NRG1: variants seen among roughly 807,000 people sequenced by gnomAD.
NRG1 encodes the protein pro-neuregulin-1, membrane-bound isoform.
In NRG1, 18 loss-of-function variants were observed where a neutral mutation model predicts 63.8. The ratio of observed to expected loss-of-function variants is 0.28; its 90% CI spans 0.19 to 0.42. The LOEUF (loss-of-function observed/expected upper bound fraction) is 0.42, where lower values mean the gene tolerates loss of function less well. Among genes scored for constraint, NRG1 ranks in the 10% least tolerant of loss-of-function variants. The probability of loss-of-function intolerance (pLI) is 1.00; values close to 1 mark genes in which losing one functional copy is unlikely to be tolerated. For missense variants in NRG1, 762 were observed against 814.7 expected (o/e 0.94, Z 0.79); for synonymous variants, 302 against 301.3 (o/e 1.00, Z -0.02).
At chr8:32,356,483 C>CCCG (rs1554517235) in intron 1 of NRG1, among the ~76,000 whole-genome samples, 3 of 121,072 alleles carry the variant, frequency 2.5e-5, no homozygotes, top group African/African-American at 9.2e-5. Flanking sequence ...GACCCCCCCC[C>CCCG]CACCCGCCGG....
chr8:32,027,524 T>A (rs1311216516), intron 1 of NRG1, among the ~76,000 whole-genome samples: 1 of 142,102 alleles, frequency 7.0e-6, no homozygotes, highest in South Asian at 2.3e-4. Flanking sequence ...TAGCGTTTTC[T>A]TTTCTTTTTG....
chr8:32,411,010 G>C (rs1814854594), intron 1 of NRG1, among the ~76,000 whole-genome samples: 1 of 151,852 alleles, frequency 6.6e-6, no homozygotes, highest in African/African-American at 2.4e-5. Context: ...CAAGCAGCTA[G>C]GACTACAGGC....
intron 1 of NRG1, among the ~76,000 whole-genome samples, chr8:31,734,770 A>G (rs1018934571): frequency 6.6e-6 from 1 of 152,230 alleles, no homozygotes; most frequent in Non-Finnish European, 1.5e-5. Flanking sequence ...ATGCTGCACC[A>G]GGACTGAACC....
At chr8:32,056,269 G>T (rs564324853) in intron 1 of NRG1, among the ~76,000 whole-genome samples, 20 of 152,268 alleles carry the variant, frequency 1.3e-4, no homozygotes, top group African/African-American at 4.6e-4. Context: ...CTTAATTTCT[G>T]TCTTCCAATT....
At chr8:32,082,147 G>T (rs1827554026) in intron 1 of NRG1, among the ~76,000 whole-genome samples, 1 of 151,726 alleles carries the variant, frequency 6.6e-6, no homozygotes, top group Admixed American at 6.6e-5. Context: ...GCAGAGGGAT[G>T]ATGATCCTGA....
chr8:32,127,803 G>A lies in NRG1; in HGVS notation c.38-468025G>A, dbSNP rs138234305. On this transcript the variant is annotated intron_variant, in intron 1 of 10. Coordinates refer to the NRG1 transcript ENST00000519301. ...ATTCATGGTTTAAGAACATACCCTC[G>A]CCATTCCAGCTACTCGGGAAGCTGA... Among the ~76,000 whole-genome samples the A allele has an allele frequency of 2.8e-3, 420 of 151,702 alleles. 3 individuals are homozygous for A. The highest frequency in any genetic ancestry group is 9.7e-3 in the African/African-American group (403 of 41,416).
chr8:31,888,699 C>A (rs573015960), intron 1 of NRG1, among the ~76,000 whole-genome samples: 2 of 151,968 alleles, frequency 1.3e-5, no homozygotes, highest in South Asian at 4.2e-4. Context: ...AAACGATCAG[C>A]CACAATAATC....
intron 1 of NRG1, among the ~76,000 whole-genome samples, chr8:32,487,211 A>C (rs917716435): frequency 8.6e-5 from 13 of 151,844 alleles, no homozygotes; most frequent in Non-Finnish European, 1.8e-4. Flanking sequence ...AAAGAAAAAA[A>C]CCACAAAAAA....
intron 1 of NRG1, among the ~76,000 whole-genome samples, chr8:31,922,616 G>A (rs1197486637): frequency 6.6e-6 from 1 of 152,212 alleles, no homozygotes; most frequent in Non-Finnish European, 1.5e-5. Flanking sequence ...GAAGTGGTAA[G>A]CTGGAACAAC....
chr8:32,674,187 C>T (rs893962385), intron 5 of NRG1, among the ~76,000 whole-genome samples: 8 of 152,004 alleles, frequency 5.3e-5, no homozygotes, highest in Non-Finnish European at 1.0e-4. Context: ...CTGAAGAATT[C>T]GTGTTTTGAC....
intron 1 of NRG1, among the ~76,000 whole-genome samples, chr8:32,464,547 G>A (rs535527613): frequency 1.2e-4 from 19 of 152,140 alleles, no homozygotes; most frequent in Non-Finnish European, 1.6e-4. Context: ...CAAAAAGAAT[G>A]TGAGAGCTTG....
chr8:32,046,625 A>G (rs532260792), intron 1 of NRG1, among the ~76,000 whole-genome samples: 1 of 152,122 alleles, frequency 6.6e-6, no homozygotes, highest in Non-Finnish European at 1.5e-5. Flanking sequence ...TGAATTATTG[A>G]TTTGTGCAAC....
chr8:31,674,157 A>G (rs2131015866), intron 1 of NRG1, among the ~76,000 whole-genome samples: 1 of 152,280 alleles, frequency 6.6e-6, no homozygotes, highest in East Asian at 1.9e-4. Flanking sequence ...CAGTTACTAC[A>G]TTTTATTTAT....
chr8:32,618,153 T>G (rs1334966948), intron 5 of NRG1, among the ~76,000 whole-genome samples: 1 of 152,172 alleles, frequency 6.6e-6, no homozygotes, highest in East Asian at 1.9e-4. Flanking sequence ...AAAAGATTAG[T>G]ATAATTATAT....
chr8:32,494,515 CG>C (rs1826963488), intron 1 of NRG1, among the ~76,000 whole-genome samples: 1 of 152,104 alleles, frequency 6.6e-6, no homozygotes, highest in African/African-American at 2.4e-5. Context: ...CCATCTCACT[CG>C]GGGGAGGGGA....
intron 1 of NRG1, among the ~76,000 whole-genome samples, chr8:32,365,377 A>T (rs1807823949): frequency 6.7e-6 from 1 of 150,072 alleles, no homozygotes. Context: ...TTTTTTTTGG[A>T]CTTGCATTAT....
chr8:32,542,344 CCAT>C (rs558751198), intron 1 of NRG1, among the ~76,000 whole-genome samples: 2 of 151,946 alleles, frequency 1.3e-5, no homozygotes, highest in Non-Finnish European at 2.9e-5. Flanking sequence ...ATGCCCAGTA[CCAT>C]CATCATCATC....
At chr8:32,723,709 A>C (rs1435667600) in intron 5 of NRG1, among the ~76,000 whole-genome samples, 3 of 147,536 alleles carry the variant, frequency 2.0e-5, no homozygotes, top group African/African-American at 4.9e-5. Flanking sequence ...AAAAAAAAAA[A>C]AAAAAAAAAC....
chr8:32,295,233 CT>C (rs1352805506), intron 1 of NRG1, among the ~76,000 whole-genome samples: 1 of 151,978 alleles, frequency 6.6e-6, no homozygotes, highest in African/African-American at 2.4e-5. Context: ...GAAATGATTT[CT>C]TTTTCTAAAA....
Sources: gnomAD v4.1 joint callset for allele counts (sites outside exome capture counted in the v4.1 genomes callset) on GRCh38, gnomAD v4.1.1 for gene constraint, MANE v1.5 for transcripts, NCBI Gene and HGNC (gene_info 2026-07-23, HGNC 2026-07-21) for gene names.